Variants in RASGRP3 observed in about 807,000 individuals in gnomAD.
The protein encoded by RASGRP3 is ras guanyl-releasing protein 3.
A neutral mutation model predicts 82.7 loss-of-function variants in RASGRP3; 54 were observed. The observed-to-expected ratio is 0.65, with a 90% CI of 0.52 to 0.82. RASGRP3 has a LOEUF of 0.82. Ranked by LOEUF, RASGRP3 falls within the 40% of genes least tolerant of loss-of-function variation. RASGRP3 has a pLI of 0.00. For synonymous variants in RASGRP3, 309 were observed against 300.5 expected, an observed-to-expected ratio of 1.03 and a Z score of -0.29; for missense variants, 861 against 828.9, an observed-to-expected ratio of 1.04 and a Z score of -0.48.
chr2:33,555,902 A>T (rs1675893420), intron 15 of RASGRP3, among the ~76,000 whole-genome samples: 1 of 152,206 alleles, frequency 6.6e-6, no homozygotes. Context: ...AAAAACACCT[A>T]CACACTATTT....
chr2:33,444,225 G>C (rs1016544929), intron 1 of RASGRP3, among the ~76,000 whole-genome samples: 1 of 152,122 alleles, frequency 6.6e-6, no homozygotes, highest in Non-Finnish European at 1.5e-5. Flanking sequence ...AGGATTGCTT[G>C]AGCCCAGTAT....
intron 11 of RASGRP3, among the ~76,000 whole-genome samples, chr2:33,538,165 T>G (rs967033475): frequency 6.6e-6 from 1 of 152,278 alleles, no homozygotes; most frequent in East Asian, 1.9e-4. Context: ...TCGGATAGGA[T>G]TTTTGGATGG....
chr2:33,524,297 T>G (rs947968348), intron 8 of RASGRP3, 135 bp from the exon 9 acceptor site: 2 of 724,762 alleles, frequency 2.8e-6, no homozygotes, highest in Admixed American at 6.0e-5. Context: ...TGATTCTATT[T>G]GTGCTTCATT....
intron 17 of RASGRP3, among the ~76,000 whole-genome samples, chr2:33,562,378 C>CCAT (rs1676769257): frequency 1.3e-5 from 2 of 151,914 alleles, no homozygotes; most frequent in South Asian, 4.2e-4. Flanking sequence ...AGTGATCCTC[C>CCAT]CATCTCAGCC....
intron 9 of RASGRP3, among the ~76,000 whole-genome samples, chr2:33,525,112 AC>A (rs1672413492): frequency 6.6e-6 from 1 of 151,114 alleles, no homozygotes; most frequent in African/African-American, 2.4e-5. Context: ...AAAAAAAAAA[AC>A]TCAACATATT....
chr2:33,548,186 C>T (rs930757695), intron 13 of RASGRP3, among the ~76,000 whole-genome samples: 9 of 151,752 alleles, frequency 5.9e-5, no homozygotes, highest in Non-Finnish European at 1.2e-4. Context: ...ACGGTGAAAC[C>T]CCGTCTCTAC....
chr2:33,520,714 C>A, intron 6 of RASGRP3, 30 bp downstream of exon 6: 3 of 1,611,790 alleles, frequency 1.9e-6, no homozygotes, highest in Non-Finnish European at 2.5e-6. Context: ...CTTTCACACC[C>A]AATAAGTCCA....
chr2:33,439,179 C>G lies in RASGRP3; in HGVS notation c.-385+2588C>G, dbSNP rs13415072. ...CATGAACACCTATTTATTAAGTTTT[C>G]TAACTTACAATATAATCTCTATCCT... On this transcript the variant is annotated intron_variant, in intron 1 of 18. Transcript: ENST00000402538. Among the ~76,000 whole-genome samples the G allele has an allele frequency of 6.1e-3, 922 of 152,290 alleles. 6 individuals carry two copies. Among genetic ancestry groups the G allele is most frequent in the African/African-American group, 0.021 (873 of 41,554 alleles).
intron 15 of RASGRP3, among the ~76,000 whole-genome samples, chr2:33,556,890 TACACACAC>T (rs58614411): frequency 2.1e-4 from 27 of 130,784 alleles, no homozygotes; most frequent in African/African-American, 3.2e-4. Flanking sequence ...TACCCTAAAA[TACACACAC>T]ACACACACAC....
chr2:33,446,949 C>T (rs989757371), intron 1 of RASGRP3, among the ~76,000 whole-genome samples: 1 of 151,858 alleles, frequency 6.6e-6, no homozygotes, highest in African/African-American at 2.4e-5. Flanking sequence ...GGAAACCATC[C>T]TGGCTAACGC....
intron 7 of RASGRP3, among the ~76,000 whole-genome samples, chr2:33,522,836 A>G (rs1381173024): frequency 1.3e-5 from 2 of 152,216 alleles, no homozygotes; most frequent in East Asian, 3.8e-4. Flanking sequence ...CTTGGTTAGA[A>G]GCATGAATTT....
Position 33,527,215 on chromosome 2 carries a change from G to C in RASGRP3, c.886G>C (p.Gly296Arg), listed in dbSNP as rs748086884. The C allele has an allele frequency of 6.2e-7, 1 of 1,613,928 alleles. No individual in the cohort carries two copies. Among genetic ancestry groups the C allele is most frequent in the African/African-American group, 1.3e-5 (1 of 74,944 alleles). Reference sequence around the variant, plus strand: ...CCGCAAGGCCTTTGCCGACTGCGATGGCTTCAAAATCCCCATCCTTGGAGT... The same window carrying C: ...CCGCAAGGCCTTTGCCGACTGCGATCGCTTCAAAATCCCCATCCTTGGAGT... ...NYRKAFADCDGFKIPILGVHL... is the reference protein window; with the variant it reads ...NYRKAFADCDRFKIPILGVHL... Residue 296 changes from glycine (G) to arginine (R), a missense_variant, in exon 10 of 18, where the codon GGC becomes CGC. By Grantham distance (125) the Gly-to-Arg change is moderately radical. Transcript: ENST00000403687.
At chr2:33,456,693 C>T (rs1048858057) in intron 2 of RASGRP3, among the ~76,000 whole-genome samples, 1 of 152,110 alleles carries the variant, frequency 6.6e-6, no homozygotes, top group Non-Finnish European at 1.5e-5. Context: ...TTTATATACC[C>T]ATGAGAGAAT....
chr2:33,474,954 T>C (rs13429575), upstream of RASGRP3, among the ~76,000 whole-genome samples: 72,908 of 152,010 alleles, frequency 0.48, 17,989 homozygotes, highest in Non-Finnish European at 0.52. Context: ...ATCATCAGAA[T>C]AATTAACCCA....
intron 1 of RASGRP3, among the ~76,000 whole-genome samples, chr2:33,499,587 TG>T (rs1238115203): frequency 6.6e-6 from 1 of 152,116 alleles, no homozygotes; most frequent in Non-Finnish European, 1.5e-5. Context: ...AACCAGTTTT[TG>T]GTATCTCAAT....
intron 1 of RASGRP3, among the ~76,000 whole-genome samples, chr2:33,500,850 CT>C (rs1669804661): frequency 6.6e-6 from 1 of 152,186 alleles, no homozygotes; most frequent in South Asian, 2.1e-4. Flanking sequence ...AGGAGAATCG[CT>C]TGAACCTGGG....
intron 10 of RASGRP3, among the ~76,000 whole-genome samples, chr2:33,527,914 A>G (rs930015909): frequency 6.6e-6 from 1 of 152,274 alleles, no homozygotes; most frequent in East Asian, 1.9e-4. Context: ...TCAGTCTCCA[A>G]CCTTCTTTGC....
intron 2 of RASGRP3, among the ~76,000 whole-genome samples, chr2:33,453,209 A>G (rs1665886526): frequency 6.6e-6 from 1 of 152,224 alleles, no homozygotes; most frequent in African/African-American, 2.4e-5. Flanking sequence ...CAATGAGTGT[A>G]TTATAAAGAT....
At chr2:33,449,312 C>A (rs757182035) in intron 2 of RASGRP3, among the ~76,000 whole-genome samples, 3 of 152,152 alleles carry the variant, frequency 2.0e-5, no homozygotes, top group Non-Finnish European at 2.9e-5. Flanking sequence ...TCTCAACCAA[C>A]CTTTCGTCAT....
Sources: gnomAD v4.1 joint callset for allele counts (sites outside exome capture counted in the v4.1 genomes callset) on GRCh38, gnomAD v4.1.1 for gene constraint, MANE v1.5 for transcripts, NCBI Gene and HGNC (gene_info 2026-07-23, HGNC 2026-07-21) for gene names.